The following HPRT1 variants were observed in gnomAD, a reference collection of about 807,000 sequenced individuals.
HPRT1 encodes hypoxanthine-guanine phosphoribosyltransferase.
HPRT1 carries 4 observed loss-of-function variants against 19.0 expected under a neutral mutation model. The ratio of observed to expected loss-of-function variants is 0.21; its 90% CI spans 0.10 to 0.48. The LOEUF is 0.48. Among genes scored for constraint, HPRT1 ranks in the 20% least tolerant of loss-of-function variants. The pLI, the probability that HPRT1 is intolerant of heterozygous loss-of-function variation, is 0.98. For missense variants in HPRT1, 65 were observed against 164.0 expected (o/e 0.40, Z 3.30); for synonymous variants, 53 against 54.9 (o/e 0.97, Z 0.15).
Position 134,500,521 on chromosome X carries a change from A to G in HPRT1, c.*444A>G, listed in dbSNP as rs1472198571. On this transcript the variant is annotated 3_prime_UTR_variant, in exon 9 of 9. Transcript: ENST00000298556. The stretch of plus-strand genomic sequence containing the variant: ...AGTCAATTTTCACATCAAAGACAGC[A>G]TCTAAGAAGTTTTGTTCTGTCCTGG... The G allele has an allele frequency of 8.5e-6, 1 of 117,128 alleles. No individual in the cohort carries two copies. The highest frequency in any genetic ancestry group is 1.8e-5 in the Non-Finnish European group (1 of 55,972). 9.7% of individuals were successfully genotyped at this position (117,128 alleles called of 1,213,427 possible).
At chrX:134,485,924 C>A (rs1045429026) in intron 3 of HPRT1, among the ~76,000 whole-genome samples, 5 of 112,034 alleles carry the variant, frequency 4.5e-5, no homozygotes, top group Non-Finnish European at 7.5e-5. Flanking sequence ...AAGAGGTATT[C>A]CTTAAAGGAC....
chrX:134,493,634 G>T, intron 6 of HPRT1, 44 bp downstream of exon 6: 1 of 849,944 alleles, frequency 1.2e-6, no homozygotes, highest in Non-Finnish European at 1.8e-6. Flanking sequence ...TCATTTGAAG[G>T]GGGATTAAGT....
chrX:134,494,690 C>T (rs1357498663), intron 6 of HPRT1, among the ~76,000 whole-genome samples: 6 of 112,249 alleles, frequency 5.3e-5, no homozygotes, highest in Non-Finnish European at 9.4e-5. Context: ...AGAAACTAAT[C>T]AGTGCACTTG....
intron 1 of HPRT1, among the ~76,000 whole-genome samples, chrX:134,472,207 C>T (rs773711370): frequency 3.6e-5 from 4 of 110,736 alleles, no homozygotes; most frequent in Non-Finnish European, 7.5e-5. Context: ...CTCCTGGCCT[C>T]AAGCAACTCT....
chrX:134,476,463 G>GTGAT (rs17882974), intron 3 of HPRT1, among the ~76,000 whole-genome samples: 258 of 112,158 alleles, frequency 2.3e-3, no homozygotes, highest in African/African-American at 6.4e-3. Context: ...CTCAACAAAA[G>GTGAT]TGATTGATTG....
intron 3 of HPRT1, 63 bp downstream of exon 3, chrX:134,475,427 G>A: frequency 1.3e-6 from 1 of 741,931 alleles, no homozygotes; most frequent in Non-Finnish European, 2.1e-6. Flanking sequence ...TATTTTCTTT[G>A]AATCTCTGCA....
chrX:134,494,977 T>C (rs765589485), intron 6 of HPRT1, among the ~76,000 whole-genome samples: 1 of 111,556 alleles, frequency 9.0e-6, no homozygotes, highest in Non-Finnish European at 1.9e-5. Context: ...TCAGTGCTGC[T>C]TATATGATAC....
chrX:134,471,732 C>G (rs2077610901), intron 1 of HPRT1, among the ~76,000 whole-genome samples: 1 of 109,925 alleles, frequency 9.1e-6, no homozygotes, highest in Non-Finnish European at 1.9e-5. Flanking sequence ...CCTCCACCTC[C>G]CGGGCTCAGG....
At chrX:134,485,615 T>C (rs17879532) in intron 3 of HPRT1, among the ~76,000 whole-genome samples, 65 of 112,255 alleles carry the variant, frequency 5.8e-4, no homozygotes, top group African/African-American at 2.0e-3. Flanking sequence ...ATCTTTATTG[T>C]ATACTAAATC....
chrX:134,499,542 C>T lies in HPRT1; in HGVS notation c.610-488C>T, dbSNP rs1023643721. 6.3e-5 allele frequency among the ~76,000 whole-genome samples: 7 copies of T among 110,333 alleles called. No homozygotes were observed. The Admixed American group carries it at 6.7e-4, about 11-fold the overall frequency. On this transcript the variant is annotated intron_variant, in intron 8 of 8. Transcript: ENST00000298556. ...GAAACAGACTGGGCGCGGTGGCTCA[C>T]GCCTGTAATCCCAGCACTTTGGGAG...
rs372992962 is a variant in HPRT1, at chrX:134,492,777, G to A, written c.403-731G>A. On this transcript the variant is annotated intron_variant, in intron 5 of 8. Coordinates refer to ENST00000298556, the MANE Select transcript of HPRT1 (RefSeq NM_000194.3). ...GGAACCCTTCTGTGTGTGTACACCA[G>A]GAGGCAGGAATTTTTTTTTTCTTTT... Among the ~76,000 whole-genome samples the A allele has an allele frequency of 1.1e-4, 12 of 111,754 alleles. No homozygotes were observed. In the South Asian group the frequency reaches 4.6e-3, roughly 42 times the overall value.
chrX:134,485,569 G>T (rs1049249411), intron 3 of HPRT1, among the ~76,000 whole-genome samples: 5 of 111,693 alleles, frequency 4.5e-5, no homozygotes, highest in Non-Finnish European at 1.9e-5. Flanking sequence ...ATCATTTATT[G>T]AATAATTCAT....
chrX:134,480,515 G>A lies in HPRT1; in HGVS notation c.318+5151G>A, dbSNP rs1234155534. 3.8e-5 allele frequency among the ~76,000 whole-genome samples: 4 copies of A among 106,302 alleles called. No individual in the cohort carries two copies. In the East Asian group the frequency reaches 1.2e-3, roughly 31 times the overall value. The allele number at this position is 106,302 out of a possible 115,157, so 92.3% of individuals were successfully genotyped here. ...CAGACTGGAATGCAGTGGCATAGTG[G>A]CCCATTGCAGCTTTGAACTCCTGGG... On this transcript the variant is annotated intron_variant, in intron 3 of 8. Transcript: ENST00000298556.
intron 1 of HPRT1, among the ~76,000 whole-genome samples, chrX:134,461,296 G>C (rs928332845): frequency 2.7e-5 from 3 of 112,166 alleles, no homozygotes; most frequent in South Asian, 3.7e-4. Context: ...AATCACCGCC[G>C]TAACTCTAGC....
At chrX:134,472,716 G>A (rs2077613516) in intron 1 of HPRT1, among the ~76,000 whole-genome samples, 1 of 109,896 alleles carries the variant, frequency 9.1e-6, no homozygotes, top group Non-Finnish European at 1.9e-5. Flanking sequence ...ACAGGCTCCT[G>A]CCACCACGCC....
At chrX:134,482,270 G>A (rs1304081769) in intron 3 of HPRT1, among the ~76,000 whole-genome samples, 2 of 110,736 alleles carry the variant, frequency 1.8e-5, no homozygotes, top group African/African-American at 6.6e-5. Flanking sequence ...GCCCAGGCTG[G>A]TCTAGAACTC....
rs17879494 is a variant in HPRT1, at chrX:134,500,365, CAT to C, written c.*291_*292del. The C allele has an allele frequency of 5.6e-4, 145 of 258,433 alleles. 1 individual carries two copies. The highest frequency in any genetic ancestry group is 3.8e-3 in the African/African-American group (139 of 36,230). The allele number at this position is 258,433 out of a possible 1,213,427, so 21.3% of individuals were successfully genotyped here. ...GCACTATTGAGTGAAACATTGAACT[CAT>C]ATCTGTAAGAAATAAAGAGAAGATA... is the stretch of plus-strand genomic sequence containing the variant. On this transcript the variant is annotated 3_prime_UTR_variant, in exon 9 of 9. Coordinates refer to ENST00000298556, the MANE Select transcript of HPRT1 (RefSeq NM_000194.3).
intron 3 of HPRT1, among the ~76,000 whole-genome samples, chrX:134,482,959 T>C (rs911145413): frequency 9.1e-6 from 1 of 109,459 alleles, no homozygotes; most frequent in Admixed American, 9.8e-5. Context: ...GAAGAGAAAA[T>C]GTGATTGAGT....
rs1396470798 is a variant in HPRT1 at position 134,460,211 on chromosome X, C to A, written c.-101C>A. On this transcript the variant is annotated 5_prime_UTR_variant, in exon 1 of 9. Transcript: ENST00000298556. ...GCCCTCAGGCGAACCTCTCGGCTTTCCCGCGCGGCGCCGCCTCTTGCTGCG... is the reference window on the plus strand; with the variant it reads ...GCCCTCAGGCGAACCTCTCGGCTTTACCGCGCGGCGCCGCCTCTTGCTGCG... 6.4e-6 allele frequency: 6 copies of A among 939,119 alleles called. No homozygotes were observed. In the African/African-American group the frequency reaches 1.2e-4, roughly 19 times the overall value. 77.4% of individuals were successfully genotyped at this position (939,119 alleles called of 1,213,427 possible). A position where few individuals can be genotyped will look rare whatever the true frequency, so the allele number is the denominator to read the frequency against.
Sources: gnomAD v4.1 joint callset for allele counts (sites outside exome capture counted in the v4.1 genomes callset) on GRCh38, gnomAD v4.1.1 for gene constraint, MANE v1.5 for transcripts, NCBI Gene and HGNC (gene_info 2026-07-23, HGNC 2026-07-21) for gene names.